The following CLASP2 variants were observed in gnomAD, a reference collection of about 807,000 sequenced individuals.
The protein encoded by CLASP2 is cytoplasmic linker associated protein 2, also known as CLIP-associating protein 2.
A neutral mutation model predicts 194.4 loss-of-function variants in CLASP2; 47 were observed. That is an observed-to-expected ratio of 0.24 (90% CI 0.19 to 0.31). The LOEUF (loss-of-function observed/expected upper bound fraction) is 0.31, where lower values mean the gene tolerates loss of function less well. CLASP2 is among the 10% of genes least tolerant of loss of function. The probability of loss-of-function intolerance (pLI) is 1.00; values close to 1 mark genes in which losing one functional copy is unlikely to be tolerated. For missense variants in CLASP2, 1,445 were observed against 1,823.6 expected (o/e 0.79, Z 3.78); for synonymous variants, 619 against 633.5 (o/e 0.98, Z 0.34).
chr3:33,608,037 A>G (rs916900673), intron 14 of CLASP2, among the ~76,000 whole-genome samples: 3 of 152,232 alleles, frequency 2.0e-5, no homozygotes, highest in Non-Finnish European at 1.5e-5. Context: ...CTTGAAGTTA[A>G]TGAGAAATAT....
intron 37 of CLASP2, among the ~76,000 whole-genome samples, chr3:33,506,515 AGTTTTTGGTTAGATCCTAG>A (rs2048269339): frequency 6.6e-6 from 1 of 151,832 alleles, no homozygotes; most frequent in Non-Finnish European, 1.5e-5. Flanking sequence ...GGTTACTATA[AGTTTTTGGTTAGATCCTAG>A]AGTTCCAAAA....
intron 30 of CLASP2, among the ~76,000 whole-genome samples, chr3:33,545,292 A>G (rs188533214): frequency 6.6e-6 from 1 of 152,358 alleles, no homozygotes; most frequent in Admixed American, 6.5e-5. Flanking sequence ...AGTCAAGAAA[A>G]GTTATACAAT....
intron 34 of CLASP2, among the ~76,000 whole-genome samples, chr3:33,519,693 A>C (rs1204903904): frequency 1.3e-5 from 2 of 152,188 alleles, no homozygotes; most frequent in African/African-American, 2.4e-5. Flanking sequence ...CTACTGCTTT[A>C]GTTTTTTTTC....
intron 7 of CLASP2, among the ~76,000 whole-genome samples, chr3:33,653,114 G>A (rs2083494208): frequency 6.6e-6 from 1 of 152,170 alleles, no homozygotes; most frequent in Admixed American, 6.5e-5. Context: ...AGGGGGAACT[G>A]TATAAAGGAC....
chr3:33,589,612 T>C (rs1553808053), intron 21 of CLASP2, among the ~76,000 whole-genome samples: 3 of 152,168 alleles, frequency 2.0e-5, no homozygotes, highest in Non-Finnish European at 4.4e-5. Context: ...CAAATGATTT[T>C]ACAGAGGGAA....
rs185330989 is a variant in CLASP2, at chr3:33,657,019, G to A, written c.715+6426C>T. 9.2e-5 allele frequency among the ~76,000 whole-genome samples: 14 copies of A among 152,206 alleles called. No homozygotes were observed. The East Asian group carries it at 2.1e-3, about 23-fold the overall frequency. On this transcript the variant is annotated intron_variant, in intron 7 of 38. Transcript: ENST00000682230. Reference sequence around the variant, plus strand: ...TTCTCCTCTGTTTACACCTGGGCTCGGGGCTTGAAGGTGGTTTTGAAGGGA... The same window carrying A: ...TTCTCCTCTGTTTACACCTGGGCTCAGGGCTTGAAGGTGGTTTTGAAGGGA...
At chr3:33,714,961 T>C (rs1312330215) in intron 1 of CLASP2, among the ~76,000 whole-genome samples, 2 of 152,212 alleles carry the variant, frequency 1.3e-5, no homozygotes, top group Non-Finnish European at 2.9e-5. Context: ...ACCTGCCCAG[T>C]TACTGCCACC....
chr3:33,585,689 C>A (rs957145807), intron 21 of CLASP2, among the ~76,000 whole-genome samples: 1 of 152,160 alleles, frequency 6.6e-6, no homozygotes, highest in Admixed American at 6.5e-5. Context: ...GAACAATGTA[C>A]ACTGTACCCA....
intron 19 of CLASP2, 142 bp downstream of exon 19, chr3:33,596,569 G>T (rs752408114): frequency 2.8e-6 from 2 of 721,002 alleles, no homozygotes; most frequent in Non-Finnish European, 2.4e-6. Flanking sequence ...AGAGAATTAT[G>T]TAGCCATTTT....
At chr3:33,603,562 CATGGGAATGCAAATT>C (rs1269611318) in intron 17 of CLASP2, among the ~76,000 whole-genome samples, 1 of 152,160 alleles carries the variant, frequency 6.6e-6, no homozygotes, top group African/African-American at 2.4e-5. Flanking sequence ...TCTGCCACTC[CATGGGAATGCAAATT>C]AAGTCATTCA....
At chr3:33,684,075 C>T (rs2090259875) in intron 6 of CLASP2, among the ~76,000 whole-genome samples, 1 of 151,600 alleles carries the variant, frequency 6.6e-6, no homozygotes, top group African/African-American at 2.4e-5. Flanking sequence ...AAAACCCCGT[C>T]TCTACTAAAA....
At chr3:33,625,361 A>G (rs913968158) in intron 10 of CLASP2, among the ~76,000 whole-genome samples, 1 of 151,496 alleles carries the variant, frequency 6.6e-6, no homozygotes, top group Non-Finnish European at 1.5e-5. Flanking sequence ...TCAGATTCCT[A>G]TAACACACAC....
chr3:33,562,234 T>G (rs2061906315), intron 27 of CLASP2, among the ~76,000 whole-genome samples: 1 of 152,236 alleles, frequency 6.6e-6, no homozygotes, highest in African/African-American at 2.4e-5. Context: ...ACACTGTTCC[T>G]ACTCACAGTG....
chr3:33,627,260 C>A (rs1553618227), intron 9 of CLASP2, 180 bp from the exon 10 acceptor site: 1 of 599,828 alleles, frequency 1.7e-6, no homozygotes, highest in Non-Finnish European at 3.0e-6. Context: ...TATTTTTCTT[C>A]CTTACTTGTT....
At chr3:33,651,752 C>T (rs967025408) in intron 7 of CLASP2, among the ~76,000 whole-genome samples, 9 of 151,334 alleles carry the variant, frequency 5.9e-5, no homozygotes, top group South Asian at 2.1e-4. Context: ...CTCTGCCTCC[C>T]GAGTTCAAGC....
chr3:33,581,643 T>C (rs899606063), intron 23 of CLASP2, among the ~76,000 whole-genome samples, 178 bp downstream of exon 23: 1 of 152,192 alleles, frequency 6.6e-6, no homozygotes, highest in Admixed American at 6.5e-5. Context: ...ATTTCAGACA[T>C]GTAAATCAAG....
intron 6 of CLASP2, among the ~76,000 whole-genome samples, chr3:33,670,818 C>T (rs1386259932): frequency 6.6e-6 from 1 of 152,148 alleles, no homozygotes; most frequent in Non-Finnish European, 1.5e-5. Context: ...AGTTTTACCT[C>T]CAGGAGTTCA....
chr3:33,586,145 T>A (rs1054305114), intron 21 of CLASP2, among the ~76,000 whole-genome samples: 9 of 151,452 alleles, frequency 5.9e-5, no homozygotes, highest in Admixed American at 5.9e-4. Flanking sequence ...TTTTCTTTTT[T>A]CCCCCCCGAG....
At chr3:33,524,973 A>G (rs2054120997) in intron 34 of CLASP2, among the ~76,000 whole-genome samples, 1 of 152,206 alleles carries the variant, frequency 6.6e-6, no homozygotes, top group Non-Finnish European at 1.5e-5. Flanking sequence ...ACTACATCCA[A>G]CAGACATATA....
Sources: allele counts gnomAD v4.1 joint callset (sites outside exome capture counted in the v4.1 genomes callset), GRCh38; gene constraint gnomAD v4.1.1; transcripts MANE v1.5; gene names NCBI Gene and HGNC (gene_info 2026-07-23, HGNC 2026-07-21).